MGLL: variants seen among roughly 807,000 people sequenced by gnomAD.
MGLL encodes lysophospholipase homolog.
In MGLL, 7 loss-of-function variants were observed where a neutral mutation model predicts 29.1. The ratio of observed to expected loss-of-function variants is 0.24; its 90% CI spans 0.14 to 0.45. The LOEUF (loss-of-function observed/expected upper bound fraction) is 0.45. Ranked by LOEUF, MGLL falls within the 20% of genes least tolerant of loss-of-function variation. The pLI is 0.99. For synonymous variants in MGLL, 148 were observed against 168.3 expected, an observed-to-expected ratio of 0.88 and a Z score of 0.93; for missense variants, 356 against 413.6, an observed-to-expected ratio of 0.86 and a Z score of 1.21.
At chr3:127,740,341 A>C (rs764449604) in intron 3 of MGLL, among the ~76,000 whole-genome samples, 1 of 151,330 alleles carries the variant, frequency 6.6e-6, no homozygotes, top group Non-Finnish European at 1.5e-5. Flanking sequence ...CCCTGCCCCC[A>C]CCCCCTGGCA....
chr3:127,781,834 G>C lies in MGLL; in HGVS notation c.217C>G (p.Arg73Gly), dbSNP rs200168855. 7.4e-6 allele frequency: 12 copies of C among 1,613,956 alleles called. No individual in the cohort carries two copies. The Admixed American group carries it at 2.0e-4, about 27-fold the overall frequency. ...AGCAGGTCCAGCCCCATCAGCATCC[G>C]AGCCAGCTCTTCATAGCGGCCACTG... ...EHSGRYEELA[R>G]MLMGLDLLVF... The change falls in exon 3 of 8, where the codon CGG becomes GGG. Residue 73 changes from arginine (R) to glycine (G), a missense_variant. By Grantham distance (125) the Arg-to-Gly change is moderately radical (BLOSUM62 -2). Coordinates refer to ENST00000265052, the MANE Select transcript of MGLL (RefSeq NM_007283.7).
chr3:127,760,730 G>A (rs1454840090), intron 3 of MGLL, among the ~76,000 whole-genome samples: 1 of 152,250 alleles, frequency 6.6e-6, no homozygotes, highest in Non-Finnish European at 1.5e-5. Context: ...GGAACCTGCG[G>A]CTCTGCACCC....
intron 3 of MGLL, among the ~76,000 whole-genome samples, chr3:127,737,655 T>TTTTTTTTTTG (rs2076266493): frequency 1.3e-5 from 1 of 74,690 alleles, no homozygotes; most frequent in Non-Finnish European, 3.2e-5. Context: ...TTTTTTTTTT[T>TTTTTTTTTTG]TTTTGTGAGA....
At chr3:127,773,279 C>T (rs139991148) in intron 3 of MGLL, among the ~76,000 whole-genome samples, 1 of 152,270 alleles carries the variant, frequency 6.6e-6, no homozygotes, top group Non-Finnish European at 1.5e-5. Context: ...TAGAGCCAGA[C>T]AGCTTGGGCT....
At position 127,822,423 on chromosome 3, in the gene MGLL, A is replaced by G. The variant is rs890094816; in HGVS notation, c.-105T>C. On this transcript the variant is annotated 5_prime_UTR_variant, in exon 1 of 8. Coordinates refer to ENST00000265052, the MANE Select transcript of MGLL (RefSeq NM_007283.7). ...GGCGGCCCCAAGGCAGCAGGAAGGC[A>G]GCTCCGAGCCCTCTTCCCGCACCCA... 2.4e-6 allele frequency: 3 copies of G among 1,232,842 alleles called. No homozygotes were observed. The highest frequency in any genetic ancestry group is 3.6e-6 in the Non-Finnish European group (3 of 840,520). The allele number at this position is 1,232,842 out of a possible 1,614,324, so 76.4% of individuals were successfully genotyped here.
chr3:127,706,928 C>T (rs531212471), intron 6 of MGLL, among the ~76,000 whole-genome samples: 81 of 152,130 alleles, frequency 5.3e-4, no homozygotes, highest in Admixed American at 2.9e-3. Context: ...AGGAGCCTTC[C>T]GAGGGCCTCT....
At chr3:127,783,392 G>C (rs947611458) in intron 2 of MGLL, among the ~76,000 whole-genome samples, 1 of 152,024 alleles carries the variant, frequency 6.6e-6, no homozygotes, top group Non-Finnish European at 1.5e-5. Flanking sequence ...CCTGCTGACC[G>C]TCACTCTGGT....
At chr3:127,757,001 C>T (rs917847695) in intron 3 of MGLL, among the ~76,000 whole-genome samples, 4 of 152,170 alleles carry the variant, frequency 2.6e-5, no homozygotes, top group Non-Finnish European at 5.9e-5. Flanking sequence ...CTGTCCCCAC[C>T]CTGTAAATAA....
chr3:127,773,061 G>T (rs1049512291), intron 3 of MGLL, among the ~76,000 whole-genome samples: 3 of 152,224 alleles, frequency 2.0e-5, no homozygotes, highest in Non-Finnish European at 4.4e-5. Flanking sequence ...ACTCTCGGCA[G>T]ATCTGAAGGC....
At chr3:127,748,525 G>A (rs894112859) in intron 3 of MGLL, among the ~76,000 whole-genome samples, 3 of 151,782 alleles carry the variant, frequency 2.0e-5, no homozygotes, top group Non-Finnish European at 2.9e-5. Flanking sequence ...TAGTACCTCC[G>A]AATGGATACA....
intron 2 of MGLL, among the ~76,000 whole-genome samples, chr3:127,801,280 C>G (rs951808727): frequency 1.6e-5 from 2 of 121,292 alleles, no homozygotes; most frequent in Admixed American, 1.9e-4. Context: ...CCAGCCTGGG[C>G]AACAAGAGTG....
intron 3 of MGLL, among the ~76,000 whole-genome samples, chr3:127,737,629 T>C (rs938015183): frequency 9.1e-6 from 1 of 110,324 alleles, no homozygotes; most frequent in Non-Finnish European, 1.8e-5. Flanking sequence ...ATCAACTGCT[T>C]CTTTTTTTTT....
Position 127,822,509 on chromosome 3 carries a change from G to A in MGLL, c.-191C>T. The A allele has an allele frequency of 1.6e-6, 1 of 619,968 alleles. No individual in the cohort carries two copies. 38.4% of individuals were successfully genotyped at this position (619,968 alleles called of 1,614,324 possible). On this transcript the variant is annotated 5_prime_UTR_variant, in exon 1 of 8. Coordinates refer to ENST00000265052, the MANE Select transcript of MGLL (RefSeq NM_007283.7). ...GCCTGCTTCCAGCTCCCACCGGCAGGCTCTCCGGGGCTCCCCTCCCTCCCC... is the reference window on the plus strand; with the variant it reads ...GCCTGCTTCCAGCTCCCACCGGCAGACTCTCCGGGGCTCCCCTCCCTCCCC...
chr3:127,718,905 G>A (rs2075866807), intron 5 of MGLL, among the ~76,000 whole-genome samples: 1 of 152,238 alleles, frequency 6.6e-6, no homozygotes, highest in African/African-American at 2.4e-5. Flanking sequence ...ACTAGAAAAT[G>A]TGCCAAGAGT....
At chr3:127,766,299 C>A (rs2076854158) in intron 3 of MGLL, among the ~76,000 whole-genome samples, 1 of 152,138 alleles carries the variant, frequency 6.6e-6, no homozygotes. Context: ...CATTCCACAC[C>A]CAGCACTGAC....
intron 7 of MGLL, among the ~76,000 whole-genome samples, chr3:127,694,311 ATG>A (rs1217236530): frequency 7.4e-6 from 1 of 135,214 alleles, no homozygotes; most frequent in Non-Finnish European, 1.6e-5. Context: ...ATATATATGT[ATG>A]TGTGTATATA....
At position 127,691,318 on chromosome 3, in the gene MGLL, T is replaced by A. The variant is rs941254026; in HGVS notation, c.*880A>T. 5.9e-5 allele frequency: 9 copies of A among 152,398 alleles called. No homozygotes were observed. Among genetic ancestry groups the A allele is most frequent in the African/African-American group, 2.2e-4 (9 of 41,450 alleles). The allele number at this position is 152,398 out of a possible 1,614,324, so 9.4% of individuals were successfully genotyped here. A position where few individuals can be genotyped will look rare whatever the true frequency, so the allele number is the denominator to read the frequency against. Reference sequence around the variant, plus strand: ...TCTGTACAGTAGCATCAAGCTCTGATTCCCTCAAACTCCCCTTGCTCCCTC... The same window carrying A: ...TCTGTACAGTAGCATCAAGCTCTGAATCCCTCAAACTCCCCTTGCTCCCTC... On this transcript the variant is annotated 3_prime_UTR_variant, in exon 8 of 8. Coordinates refer to ENST00000265052, the MANE Select transcript of MGLL (RefSeq NM_007283.7).
chr3:127,760,204 T>C (rs1350274636), intron 3 of MGLL, among the ~76,000 whole-genome samples: 5 of 152,152 alleles, frequency 3.3e-5, no homozygotes, highest in Admixed American at 6.5e-5. Flanking sequence ...AACGTTTCCA[T>C]AGGAAGCCTC....
intron 3 of MGLL, among the ~76,000 whole-genome samples, chr3:127,725,143 C>A (rs1374314827): frequency 6.6e-6 from 1 of 152,116 alleles, no homozygotes; most frequent in East Asian, 1.9e-4. Flanking sequence ...TAAGCCTTTA[C>A]CCCATCCTCT....
Sources: gnomAD v4.1 joint callset for allele counts (sites outside exome capture counted in the v4.1 genomes callset) on GRCh38, gnomAD v4.1.1 for gene constraint, MANE v1.5 for transcripts, NCBI Gene and HGNC (gene_info 2026-07-23, HGNC 2026-07-21) for gene names.